The following RASGRF2 variants were observed in gnomAD, a reference collection of about 807,000 sequenced individuals.
The protein encoded by RASGRF2 is Ras protein specific guanine nucleotide releasing factor 2.
In RASGRF2, 76 loss-of-function variants were observed where a neutral mutation model predicts 151.0. The ratio of observed to expected loss-of-function variants is 0.50; its 90% CI spans 0.42 to 0.61. The LOEUF (loss-of-function observed/expected upper bound fraction) is 0.61, where lower values mean the gene tolerates loss of function less well. RASGRF2 is among the 20% of genes least tolerant of loss of function. The pLI is 0.00. For synonymous variants in RASGRF2, 504 were observed against 566.5 expected (o/e 0.89, Z 1.57); for missense variants, 1,148 against 1,564.6 (o/e 0.73, Z 4.49).
At chr5:81,033,468 G>T (rs1315145951) in intron 1 of RASGRF2, among the ~76,000 whole-genome samples, 1 of 140,988 alleles carries the variant, frequency 7.1e-6, no homozygotes, top group African/African-American at 2.7e-5. Context: ...CAATGGAACA[G>T]AACGGAGCTC....
At chr5:81,105,287 G>A (rs1211882362) in intron 12 of RASGRF2, among the ~76,000 whole-genome samples, 4 of 152,024 alleles carry the variant, frequency 2.6e-5, no homozygotes, top group Non-Finnish European at 5.9e-5. Flanking sequence ...ATTCCCCAGG[G>A]GTTTGGACTA....
In RASGRF2 at chr5:81,048,537, A is replaced by G. The variant is rs568508859; in HGVS notation, c.395+5554A>G. The stretch of plus-strand genomic sequence containing the variant: ...AATACTTTCGTCAGCTGTCTTTCCA[A>G]CTTCTCAGTGTTTTTGTTTCAAGTG... On this transcript the variant is annotated intron_variant, in intron 2 of 26. Transcript: ENST00000265080. Among the ~76,000 whole-genome samples the G allele has an allele frequency of 5.3e-5, 8 of 152,252 alleles. No homozygotes were observed. In the South Asian group the frequency reaches 1.0e-3, roughly 20 times the overall value.
intron 1 of RASGRF2, among the ~76,000 whole-genome samples, chr5:80,984,755 A>G (rs1748424433): frequency 6.6e-6 from 1 of 152,196 alleles, no homozygotes; most frequent in Non-Finnish European, 1.5e-5. Flanking sequence ...AATAATGAAA[A>G]ATTGAATACA....
chr5:81,106,419 T>G (rs1752848184), intron 12 of RASGRF2, among the ~76,000 whole-genome samples: 1 of 152,182 alleles, frequency 6.6e-6, no homozygotes, highest in Non-Finnish European at 1.5e-5. Flanking sequence ...AATACCACCA[T>G]GAGGTCAGTT....
intron 1 of RASGRF2, among the ~76,000 whole-genome samples, chr5:81,021,788 A>T (rs775972594): frequency 1.8e-4 from 27 of 152,182 alleles, no homozygotes; most frequent in Non-Finnish European, 3.5e-4. Context: ...GAGTTTAATA[A>T]TCATAGGGTG....
chr5:80,986,405 G>T (rs149917984), intron 1 of RASGRF2, among the ~76,000 whole-genome samples: 1 of 152,166 alleles, frequency 6.6e-6, no homozygotes, highest in Admixed American at 6.6e-5. Flanking sequence ...GTATCTGTCT[G>T]TCTTTTATTC....
intron 2 of RASGRF2, among the ~76,000 whole-genome samples, chr5:81,044,834 C>A (rs1750787028): frequency 1.3e-5 from 2 of 151,960 alleles, no homozygotes; most frequent in African/African-American, 4.8e-5. Flanking sequence ...ACAGTCTTTT[C>A]TTGTTCTATT....
chr5:80,986,706 A>T (rs772671542), intron 1 of RASGRF2, among the ~76,000 whole-genome samples: 1 of 152,240 alleles, frequency 6.6e-6, no homozygotes, highest in African/African-American at 2.4e-5. Context: ...GTTAAGGTTC[A>T]TCTTTTCATC....
intron 2 of RASGRF2, among the ~76,000 whole-genome samples, chr5:81,060,519 A>G (rs1291919162): frequency 6.6e-6 from 1 of 152,102 alleles, no homozygotes; most frequent in African/African-American, 2.4e-5. Flanking sequence ...GACATATGAT[A>G]GATTTGTCTT....
intron 1 of RASGRF2, among the ~76,000 whole-genome samples, chr5:81,001,694 AC>A (rs1381837646): frequency 6.6e-6 from 1 of 152,052 alleles, no homozygotes; most frequent in Non-Finnish European, 1.5e-5. Context: ...ACCCAGAGCA[AC>A]CTTTTCGAGA....
At chr5:81,086,778 C>A in intron 8 of RASGRF2, 57 bp from the exon 9 acceptor site, 2 of 1,409,874 alleles carry the variant, frequency 1.4e-6, no homozygotes, top group South Asian at 2.4e-5. Context: ...TCTTTGCCTA[C>A]ATGCTAGGGC....
intron 3 of RASGRF2, 99 bp downstream of exon 3, chr5:81,068,278 G>A (rs1751670359): frequency 7.2e-7 from 1 of 1,391,376 alleles, no homozygotes; most frequent in East Asian, 2.3e-5. Flanking sequence ...TTAATCCCAG[G>A]CTGACTTCCT....
intron 1 of RASGRF2, among the ~76,000 whole-genome samples, chr5:81,025,697 C>T (rs992487709): frequency 6.6e-6 from 1 of 152,120 alleles, no homozygotes; most frequent in Non-Finnish European, 1.5e-5. Flanking sequence ...AACACAAAGT[C>T]CCATTTTAAT....
intron 17 of RASGRF2, among the ~76,000 whole-genome samples, chr5:81,150,550 G>A (rs73128870): frequency 0.064 from 9,694 of 152,172 alleles, 1,058 homozygotes; most frequent in African/African-American, 0.22. Context: ...GAGTGTTGAA[G>A]TGAAATAGAT....
chr5:81,136,630 T>A (rs912257197), intron 17 of RASGRF2, among the ~76,000 whole-genome samples: 5 of 152,206 alleles, frequency 3.3e-5, no homozygotes, highest in African/African-American at 1.2e-4. Flanking sequence ...TGGTGTTCTC[T>A]GAGCTTCCTG....
intron 18 of RASGRF2, among the ~76,000 whole-genome samples, chr5:81,186,836 T>G (rs1249101911): frequency 6.6e-6 from 1 of 152,024 alleles, no homozygotes; most frequent in Non-Finnish European, 1.5e-5. Flanking sequence ...CTGTTGGAGG[T>G]GTGAAGTTAG....
At chr5:81,207,169 G>A (rs1038076250) in intron 20 of RASGRF2, 77 bp from the exon 21 acceptor site, 39 of 1,214,430 alleles carry the variant, frequency 3.2e-5, no homozygotes, top group Non-Finnish European at 3.0e-5. Context: ...ACATGCAGCT[G>A]TCTGCCTCAC....
chr5:81,203,293 G>A (rs887253628), intron 19 of RASGRF2, among the ~76,000 whole-genome samples: 1 of 152,226 alleles, frequency 6.6e-6, no homozygotes, highest in Non-Finnish European at 1.5e-5. Context: ...TATCAGGGAA[G>A]TGAGGGTGTT....
At chr5:81,035,816 G>A (rs1272901717) in intron 1 of RASGRF2, among the ~76,000 whole-genome samples, 6 of 152,102 alleles carry the variant, frequency 3.9e-5, no homozygotes, top group Non-Finnish European at 8.8e-5. Flanking sequence ...ACATCCTATG[G>A]GAGTTACAGA....
Sources: allele counts gnomAD v4.1 joint callset (sites outside exome capture counted in the v4.1 genomes callset), GRCh38; gene constraint gnomAD v4.1.1; transcripts MANE v1.5; gene names NCBI Gene and HGNC (gene_info 2026-07-23, HGNC 2026-07-21).